The following B3GALT1 variants were observed in gnomAD, a reference collection of about 807,000 sequenced individuals.
B3GALT1 encodes UDP-Gal:betaGlcNAc beta 1,3-galactosyltransferase, polypeptide 1.
A neutral mutation model predicts 23.2 loss-of-function variants in B3GALT1; 10 were observed. That is an observed-to-expected ratio of 0.43 (90% CI 0.27 to 0.73). The LOEUF (loss-of-function observed/expected upper bound fraction) is 0.73, where lower values mean the gene tolerates loss of function less well. Among genes scored for constraint, B3GALT1 ranks in the 30% least tolerant of loss-of-function variants. B3GALT1 has a pLI of 0.21. For missense variants in B3GALT1, 299 were observed against 405.4 expected, an observed-to-expected ratio of 0.74 and a Z score of 2.25; for synonymous variants, 156 against 141.5, an observed-to-expected ratio of 1.10 and a Z score of -0.73.
chr2:167,614,608 G>T (rs890767354), intron 2 of B3GALT1, among the ~76,000 whole-genome samples: 8 of 151,848 alleles, frequency 5.3e-5, no homozygotes, highest in Non-Finnish European at 1.2e-4. Context: ...ATGCAAGTAG[G>T]CTCATTAAAA....
chr2:167,582,727 G>A (rs1339596600), intron 2 of B3GALT1, among the ~76,000 whole-genome samples: 1 of 152,158 alleles, frequency 6.6e-6, no homozygotes, highest in Non-Finnish European at 1.5e-5. Context: ...GTGCTGGCAG[G>A]AGTCTAGAAA....
At chr2:167,798,212 A>C (rs1377029024) in intron 3 of B3GALT1, among the ~76,000 whole-genome samples, 1 of 152,212 alleles carries the variant, frequency 6.6e-6, no homozygotes, top group Non-Finnish European at 1.5e-5. Context: ...GATAGATTAC[A>C]AAAATTTTCC....
intron 1 of B3GALT1, among the ~76,000 whole-genome samples, chr2:167,342,457 G>A (rs1013058547): frequency 3.9e-5 from 6 of 151,994 alleles, no homozygotes; most frequent in African/African-American, 1.5e-4. Flanking sequence ...TGGTGTGGTG[G>A]CACACGTCTG....
intron 3 of B3GALT1, among the ~76,000 whole-genome samples, chr2:167,812,174 T>C (rs1167360929): frequency 6.6e-6 from 1 of 152,244 alleles, no homozygotes; most frequent in Non-Finnish European, 1.5e-5. Context: ...TCAGAAGCCA[T>C]GTTCAAATTC....
chr2:167,528,295 C>T (rs1683256147), intron 2 of B3GALT1, among the ~76,000 whole-genome samples: 1 of 152,282 alleles, frequency 6.6e-6, no homozygotes, highest in African/African-American at 2.4e-5. Context: ...AGAGACTTTG[C>T]ATTTTGTATT....
In B3GALT1 at chr2:167,814,299, T is replaced by C. The variant is rs140947267; in HGVS notation, c.-351-4373T>C. Among the ~76,000 whole-genome samples the C allele has an allele frequency of 6.2e-3, 940 of 152,304 alleles. 15 individuals carry two copies. The highest frequency in any genetic ancestry group is 0.021 in the African/African-American group (892 of 41,558). On this transcript the variant is annotated intron_variant, in intron 3 of 4. Transcript: ENST00000392690. ...ATTTTCATGGGAGCTTAGTTGCCTC[T>C]TTCAGAAAGGCAGTAAGAAAAATCA...
chr2:167,448,435 C>T (rs1699037186), intron 1 of B3GALT1, among the ~76,000 whole-genome samples: 1 of 151,794 alleles, frequency 6.6e-6, no homozygotes, highest in African/African-American at 2.4e-5. Context: ...CTATTAATGT[C>T]CTTAGCTCAA....
At chr2:167,672,016 A>C (rs959730252) in intron 3 of B3GALT1, among the ~76,000 whole-genome samples, 18 of 152,182 alleles carry the variant, frequency 1.2e-4, no homozygotes, top group African/African-American at 4.3e-4. Context: ...AGATTGGATA[A>C]ACTAGAAGAA....
intron 3 of B3GALT1, among the ~76,000 whole-genome samples, chr2:167,748,649 C>T (rs1375145755): frequency 2.6e-5 from 4 of 152,006 alleles, no homozygotes; most frequent in African/African-American, 9.7e-5. Flanking sequence ...ACTTAATGGA[C>T]CACAAATTAG....
At chr2:167,318,400 C>T (rs1025920574) in intron 1 of B3GALT1, among the ~76,000 whole-genome samples, 4 of 151,988 alleles carry the variant, frequency 2.6e-5, no homozygotes, top group African/African-American at 9.7e-5. Context: ...ACTGAAGTTC[C>T]ATTCCCTAAA....
At chr2:167,336,601 T>A (rs1340144359) in intron 1 of B3GALT1, among the ~76,000 whole-genome samples, 2 of 152,218 alleles carry the variant, frequency 1.3e-5, no homozygotes, top group African/African-American at 2.4e-5. Context: ...GGTGTCTTCA[T>A]TTCCTGACTC....
intron 4 of B3GALT1, among the ~76,000 whole-genome samples, chr2:167,819,057 C>T (rs1225961050): frequency 6.6e-6 from 1 of 151,898 alleles, no homozygotes; most frequent in Admixed American, 6.6e-5. Context: ...CAGGAAAAAG[C>T]CTTTATTCTG....
chr2:167,606,541 T>G (rs1684964473), intron 2 of B3GALT1, among the ~76,000 whole-genome samples: 2 of 152,324 alleles, frequency 1.3e-5, no homozygotes, highest in South Asian at 4.1e-4. Flanking sequence ...TGAATGGGTT[T>G]CTTTTCTGCT....
chr2:167,432,834 C>T (rs746276526), intron 1 of B3GALT1, among the ~76,000 whole-genome samples: 19 of 152,090 alleles, frequency 1.2e-4, no homozygotes, highest in Non-Finnish European at 2.1e-4. Context: ...TCCTGCATAC[C>T]CTGGTCCCCA....
intron 1 of B3GALT1, among the ~76,000 whole-genome samples, chr2:167,433,208 CT>C (rs1246867361): frequency 6.6e-6 from 1 of 152,122 alleles, no homozygotes; most frequent in African/African-American, 2.4e-5. Context: ...TTTAGGTTGG[CT>C]TTTTTCACCT....
intron 4 of B3GALT1, among the ~76,000 whole-genome samples, chr2:167,844,977 C>T (rs1236881011): frequency 1.3e-5 from 2 of 152,034 alleles, no homozygotes; most frequent in African/African-American, 4.8e-5. Flanking sequence ...CGGCTTTGCC[C>T]CACTTCCCTG....
intron 3 of B3GALT1, among the ~76,000 whole-genome samples, chr2:167,673,063 A>G (rs768688321): frequency 1.3e-4 from 19 of 151,962 alleles, no homozygotes; most frequent in African/African-American, 4.3e-4. Flanking sequence ...AGTAGACTCA[A>G]TTAGGAGTTG....
chr2:167,666,264 G>A (rs934125262), intron 3 of B3GALT1, among the ~76,000 whole-genome samples: 4 of 152,316 alleles, frequency 2.6e-5, no homozygotes, highest in African/African-American at 9.6e-5. Flanking sequence ...GCGGTTTTGA[G>A]TGAGATTCTT....
At chr2:167,806,531 C>T (rs190339647) in intron 3 of B3GALT1, among the ~76,000 whole-genome samples, 5,310 of 152,144 alleles carry the variant, frequency 0.035, 150 homozygotes, top group South Asian at 0.068. Context: ...GCATGAAGGG[C>T]TGTTGAATTT....
Sources: gnomAD v4.1 joint callset for allele counts (sites outside exome capture counted in the v4.1 genomes callset) on GRCh38, gnomAD v4.1.1 for gene constraint, MANE v1.5 for transcripts, NCBI Gene and HGNC (gene_info 2026-07-23, HGNC 2026-07-21) for gene names.